The following SGCZ variants were observed in gnomAD, a reference collection of about 807,000 sequenced individuals.
SGCZ encodes zeta-sarcoglycan.
A neutral mutation model predicts 41.3 loss-of-function variants in SGCZ; 40 were observed. That is an observed-to-expected ratio of 0.97 (90% confidence interval 0.75 to 1.26). The LOEUF is 1.26. Among genes scored for constraint, SGCZ ranks in the 50% most tolerant of loss-of-function variants. The pLI, the probability that SGCZ is intolerant of heterozygous loss-of-function variation, is 0.00. For synonymous variants in SGCZ, 206 were observed against 137.5 expected (o/e 1.50, Z -3.49); for missense variants, 552 against 369.8 (o/e 1.49, Z -4.04).
At chr8:14,930,676 G>A (rs946241245) in intron 1 of SGCZ, among the ~76,000 whole-genome samples, 5 of 151,966 alleles carry the variant, frequency 3.3e-5, no homozygotes, top group Non-Finnish European at 7.4e-5. Flanking sequence ...ATGAGTTCAC[G>A]TCCTTTGCAG....
intron 1 of SGCZ, among the ~76,000 whole-genome samples, chr8:14,678,125 GT>G (rs1808332900): frequency 6.6e-6 from 1 of 152,134 alleles, no homozygotes; most frequent in African/African-American, 2.4e-5. Context: ...ATGAGCTTTT[GT>G]TTGGCAATGT....
At chr8:14,700,811 G>A (rs1229321174) in intron 1 of SGCZ, among the ~76,000 whole-genome samples, 4 of 151,630 alleles carry the variant, frequency 2.6e-5, no homozygotes, top group Non-Finnish European at 4.4e-5. Context: ...GTAATCAAAG[G>A]CCAACTGCCA....
At chr8:14,891,163 C>G (rs546253759) in intron 1 of SGCZ, among the ~76,000 whole-genome samples, 5 of 152,260 alleles carry the variant, frequency 3.3e-5, no homozygotes, top group African/African-American at 1.2e-4. Flanking sequence ...ACATTGAAGC[C>G]TGATTTAAGG....
chr8:14,455,389 C>G (rs1286190153), intron 2 of SGCZ, among the ~76,000 whole-genome samples: 1 of 151,776 alleles, frequency 6.6e-6, no homozygotes, highest in African/African-American at 2.4e-5. Context: ...GATAAACAGG[C>G]CCTCTCACAT....
At chr8:14,330,276 T>C (rs752314487) in intron 2 of SGCZ, among the ~76,000 whole-genome samples, 1 of 152,108 alleles carries the variant, frequency 6.6e-6, no homozygotes. Context: ...ATATGAAGTA[T>C]GTGGTTAGTA....
At chr8:14,456,196 G>A (rs1244038539) in intron 2 of SGCZ, among the ~76,000 whole-genome samples, 1 of 152,134 alleles carries the variant, frequency 6.6e-6, no homozygotes, top group Non-Finnish European at 1.5e-5. Flanking sequence ...ATCACCTGAG[G>A]TCAGGAGTTT....
intron 6 of SGCZ, among the ~76,000 whole-genome samples, chr8:14,103,191 T>A (rs1476743271): frequency 1.3e-5 from 2 of 152,064 alleles, no homozygotes; most frequent in East Asian, 3.9e-4. Flanking sequence ...GCTACATAAA[T>A]TAGGAGGGCA....
At chr8:14,976,472 T>A (rs1801482762) in intron 1 of SGCZ, among the ~76,000 whole-genome samples, 1 of 152,216 alleles carries the variant, frequency 6.6e-6, no homozygotes, top group Admixed American at 6.5e-5. Flanking sequence ...CCAATTTTTT[T>A]ATTTTTAACT....
chr8:15,115,115 CAGAA>C (rs1807219677), intron 1 of SGCZ, among the ~76,000 whole-genome samples: 1 of 152,148 alleles, frequency 6.6e-6, no homozygotes, highest in Non-Finnish European at 1.5e-5. Context: ...TTCTGGCACA[CAGAA>C]AGACATGTCA....
intron 2 of SGCZ, among the ~76,000 whole-genome samples, chr8:14,369,957 C>A (rs1803852175): frequency 1.3e-5 from 2 of 151,910 alleles, no homozygotes; most frequent in South Asian, 4.1e-4. Flanking sequence ...GGTTAAAATC[C>A]ATTTACTGTT....
At chr8:14,512,004 G>A (rs2117077438) in intron 2 of SGCZ, among the ~76,000 whole-genome samples, 1 of 152,180 alleles carries the variant, frequency 6.6e-6, no homozygotes, top group South Asian at 2.1e-4. Context: ...ATAAAATTAG[G>A]GTTTTAAACA....
At chr8:14,647,248 T>A (rs377699135) in intron 1 of SGCZ, among the ~76,000 whole-genome samples, 9 of 152,178 alleles carry the variant, frequency 5.9e-5, no homozygotes, top group African/African-American at 2.2e-4. Context: ...TCCTTCAGCA[T>A]TTACCTTCTG....
chr8:14,325,675 T>C (rs1161408898), intron 2 of SGCZ, among the ~76,000 whole-genome samples: 10 of 145,054 alleles, frequency 6.9e-5, no homozygotes, highest in Non-Finnish European at 1.5e-4. Context: ...ATTTTAATTA[T>C]AGGACAATAC....
chr8:14,246,339 C>T (rs1001444400), intron 3 of SGCZ, among the ~76,000 whole-genome samples: 3 of 151,848 alleles, frequency 2.0e-5, no homozygotes, highest in East Asian at 2.0e-4. Flanking sequence ...AGTAAACTAT[C>T]GCAAGGACAA....
At chr8:14,886,932 G>C (rs980827207) in intron 1 of SGCZ, among the ~76,000 whole-genome samples, 1 of 152,110 alleles carries the variant, frequency 6.6e-6, no homozygotes, top group African/African-American at 2.4e-5. Flanking sequence ...GGAGGTGGGA[G>C]AAATTCTGAA....
intron 1 of SGCZ, among the ~76,000 whole-genome samples, chr8:15,172,842 A>G (rs1799885234): frequency 6.6e-6 from 1 of 152,228 alleles, no homozygotes; most frequent in Admixed American, 6.5e-5. Flanking sequence ...TGAATTCTTC[A>G]TAGCAATATA....
chr8:15,111,660 G>A (rs549862359), intron 1 of SGCZ, among the ~76,000 whole-genome samples: 22 of 152,124 alleles, frequency 1.4e-4, no homozygotes, highest in South Asian at 2.1e-4. Flanking sequence ...GCAGCACTTT[G>A]GGAGGCCGAG....
chr8:14,595,992 C>A (rs560720366), intron 1 of SGCZ, among the ~76,000 whole-genome samples: 1 of 152,162 alleles, frequency 6.6e-6, no homozygotes, highest in African/African-American at 2.4e-5. Flanking sequence ...ACTACAGAAA[C>A]AGGCAGCTGT....
intron 2 of SGCZ, among the ~76,000 whole-genome samples, chr8:14,464,190 A>T (rs1404137290): frequency 6.6e-6 from 1 of 151,596 alleles, no homozygotes; most frequent in African/African-American, 2.4e-5. Flanking sequence ...AGAAGAATTG[A>T]TGTTAGTTAT....
Sources: gnomAD v4.1 joint callset for allele counts (sites outside exome capture counted in the v4.1 genomes callset) on GRCh38, gnomAD v4.1.1 for gene constraint, MANE v1.5 for transcripts, NCBI Gene and HGNC (gene_info 2026-07-23, HGNC 2026-07-21) for gene names.